MAST2: variants seen among roughly 807,000 people sequenced by gnomAD.
The protein encoded by MAST2 is microtubule-associated serine/threonine-protein kinase 2.
A neutral mutation model predicts 147.4 loss-of-function variants in MAST2; 70 were observed. The ratio of observed to expected loss-of-function variants is 0.47; its 90% CI spans 0.39 to 0.58. MAST2 has a LOEUF of 0.58. Among genes scored for constraint, MAST2 ranks in the 20% least tolerant of loss-of-function variants. MAST2 has a pLI of 0.00. For synonymous variants in MAST2, 869 were observed against 896.8 expected (o/e 0.97, Z 0.55); for missense variants, 2,080 against 2,302.3 (o/e 0.90, Z 1.98).
chr1:46,022,878 C>A lies in MAST2; in HGVS notation c.1424-32C>A, dbSNP rs114709171. The stretch of plus-strand genomic sequence containing the variant: ...ACTGCTGAGATACCTGACATTGCCA[C>A]GCACATTCTTCTCTTGTATCTTTGT... On this transcript the variant is annotated intron_variant, in intron 12 of 28. Coordinates refer to ENST00000361297, the MANE Select transcript of MAST2 (RefSeq NM_015112.3). The A allele has an allele frequency of 1.9e-6, 3 of 1,567,656 alleles. No individual in the cohort carries two copies. In the African/African-American group the frequency reaches 4.1e-5, roughly 21 times the overall value.
intron 5 of MAST2, among the ~76,000 whole-genome samples, chr1:45,977,106 A>G (rs1644191882): frequency 6.6e-6 from 1 of 152,242 alleles, no homozygotes; most frequent in Admixed American, 6.5e-5. Flanking sequence ...TAGAAGGTGT[A>G]CAGAAGAAAA....
intron 4 of MAST2, among the ~76,000 whole-genome samples, chr1:45,925,760 T>C (rs1654263579): frequency 6.6e-6 from 1 of 152,250 alleles, no homozygotes; most frequent in Admixed American, 6.5e-5. Context: ...TCCTACTGCA[T>C]AGGAATTTCT....
intron 5 of MAST2, among the ~76,000 whole-genome samples, chr1:45,970,667 CAAAAAAAA>C (rs754544108): frequency 6.9e-5 from 5 of 72,432 alleles, no homozygotes; most frequent in African/African-American, 2.3e-4. Context: ...GACTCTGTCT[CAAAAAAAA>C]AAAAAAAAAA....
At chr1:45,859,409 G>A (rs1570407342) in intron 3 of MAST2, among the ~76,000 whole-genome samples, 1 of 152,158 alleles carries the variant, frequency 6.6e-6, no homozygotes, top group Admixed American at 6.6e-5. Context: ...CCTTGAGCTG[G>A]GTTTTGAAGA....
Position 45,893,978 on chromosome 1 carries a change from G to A in MAST2, c.500+11583G>A, listed in dbSNP as rs541288118. On this transcript the variant is annotated intron_variant, in intron 4 of 28. Transcript: ENST00000361297. ...TACACTGACCCCAGCACTTTGTGAGGCCAAGGTGGGAGGATTGCTTGAGCT... is the reference window on the plus strand; with the variant it reads ...TACACTGACCCCAGCACTTTGTGAGACCAAGGTGGGAGGATTGCTTGAGCT... Among the ~76,000 whole-genome samples the A allele has an allele frequency of 1.2e-4, 18 of 152,264 alleles. 1 individual carries two copies. The South Asian group carries it at 3.7e-3, about 32-fold the overall frequency.
chr1:45,929,232 G>A lies in MAST2; in HGVS notation c.501-30154G>A, dbSNP rs148330679. ...CTCATTATCTGTTTTTTTTTACCCT[G>A]AAGTACAGATAATTACCCTTATTCG... On this transcript the variant is annotated intron_variant, in intron 4 of 28. Transcript: ENST00000361297. 5.2e-3 allele frequency among the ~76,000 whole-genome samples: 786 copies of A among 151,936 alleles called. 2 individuals carry two copies. The highest frequency in any genetic ancestry group is 0.014 in the South Asian group (68 of 4,810).
At chr1:45,925,553 C>G (rs1342503666) in intron 4 of MAST2, among the ~76,000 whole-genome samples, 1 of 152,150 alleles carries the variant, frequency 6.6e-6, no homozygotes, top group African/African-American at 2.4e-5. Context: ...GTGTCTCTGG[C>G]TATTCACTGG....
chr1:46,035,549 T>C lies in MAST2; in HGVS notation c.4880T>C (p.Leu1627Pro). ...WKAQHLHTQALTALSPSTSGL... is the reference protein window; with the variant it reads ...WKAQHLHTQAPTALSPSTSGL... The stretch of plus-strand genomic sequence containing the variant: ...GCCCAGCACCTCCACACCCAGGCAC[T>C]AACAGCACTTTCTCCCAGCACTTCG... The change falls in exon 29 of 29, where the codon CTA becomes CCA. Residue 1627 changes from leucine (L) to proline (P), a missense_variant. By Grantham distance (98) the Leu-to-Pro change is moderately conservative. This residue lies in a region of MAST2 where 1,278 missense variants were observed against 1,304.2 expected (regional missense o/e 0.98). Transcript: ENST00000361297. This position sits in a 1 kb window ranked among gnomAD's most constrained non-coding sequence, Gnocchi z 5.5. 1 of 1,613,458 alleles carries C rather than the reference T, an allele frequency of 6.2e-7. No individual in the cohort carries two copies. Among genetic ancestry groups the C allele is most frequent in the Non-Finnish European group, 8.5e-7 (1 of 1,179,990 alleles).
intron 19 of MAST2, 48 bp from the exon 20 acceptor site, chr1:46,029,783 T>C (rs2149328349): frequency 6.2e-7 from 1 of 1,606,530 alleles, no homozygotes; most frequent in East Asian, 2.2e-5. Flanking sequence ...TGACCTAGAC[T>C]CCATGCTGCT....
At chr1:45,926,071 TA>T (rs992215941) in intron 4 of MAST2, among the ~76,000 whole-genome samples, 32 of 152,356 alleles carry the variant, frequency 2.1e-4, no homozygotes, top group African/African-American at 7.2e-4. Context: ...TGTCTTTTTT[TA>T]AACAACTGCT....
chr1:46,029,800 A>G, intron 19 of MAST2, 31 bp from the exon 20 acceptor site: 1 of 1,611,898 alleles, frequency 6.2e-7, no homozygotes, highest in Non-Finnish European at 8.5e-7. Context: ...TGCTCATCCT[A>G]CCCCCTTGCC....
intron 4 of MAST2, among the ~76,000 whole-genome samples, chr1:45,885,938 T>TG: frequency 6.6e-6 from 1 of 152,004 alleles, no homozygotes; most frequent in Non-Finnish European, 1.5e-5. Context: ...TGTGTTTCTG[T>TG]GGGGGTGAGG....
At position 46,034,833 on chromosome 1, in the gene MAST2, C is replaced by T; in HGVS notation, c.4164C>T (p.Leu1388=). Residue 1388 remains leucine, a synonymous_variant, in exon 29 of 29, where the codon CTC becomes CTT. Transcript: ENST00000361297. ...LHLSPPLGRQ[L]SRPKSAEPPR... is the part of the protein sequence containing the mutation. The stretch of plus-strand genomic sequence containing the variant: ...TGTCACCTCCCCTGGGCAGGCAACT[C>T]TCACGGCCCAAGAGTGCGGAGCCAC... 6.2e-7 allele frequency: 1 copy of T among 1,614,246 alleles called. No individual in the cohort carries two copies. Among genetic ancestry groups the T allele is most frequent in the Non-Finnish European group, 8.5e-7 (1 of 1,180,056 alleles).
intron 16 of MAST2, among the ~76,000 whole-genome samples, chr1:46,026,342 A>G (rs1437109283): frequency 6.6e-6 from 1 of 152,200 alleles, no homozygotes; most frequent in East Asian, 1.9e-4. Flanking sequence ...CTTGTTCAGG[A>G]ACTACAAATA....
intron 4 of MAST2, among the ~76,000 whole-genome samples, chr1:45,918,309 C>CA (rs972541236): frequency 6.6e-6 from 1 of 152,130 alleles, no homozygotes; most frequent in African/African-American, 2.4e-5. Flanking sequence ...CATGAAGTGC[C>CA]AGGGGCCTGA....
chr1:45,842,573 G>T (rs1488005341), intron 3 of MAST2, among the ~76,000 whole-genome samples: 1 of 151,986 alleles, frequency 6.6e-6, no homozygotes, highest in Non-Finnish European at 1.5e-5. Context: ...TCTGTATCTG[G>T]TTTATTTCAT....
At chr1:45,995,514 A>G (rs1441807812) in intron 5 of MAST2, among the ~76,000 whole-genome samples, 1 of 152,196 alleles carries the variant, frequency 6.6e-6, no homozygotes, top group African/African-American at 2.4e-5. Context: ...CAACTTACAT[A>G]CAAGGCACTC....
chr1:45,913,550 T>G (rs1651995360), intron 4 of MAST2: 1 of 980,398 alleles, frequency 1.0e-6, no homozygotes, highest in Non-Finnish European at 1.2e-6. Context: ...TGTTGCTGGC[T>G]GAGTGTGAAT....
At chr1:46,027,932 C>T in intron 17 of MAST2, 69 bp downstream of exon 17, 1 of 1,578,346 alleles carries the variant, frequency 6.3e-7, no homozygotes, top group South Asian at 1.2e-5. Flanking sequence ...TGTCTTACGC[C>T]CGTAATCCCA....
Sources: gnomAD v4.1 joint callset for allele counts (sites outside exome capture counted in the v4.1 genomes callset) on GRCh38, gnomAD v4.1.1 for gene constraint, gnomAD v4.1.1 regional missense constraint, Gnocchi (gnomAD v3.1) non-coding constraint, MANE v1.5 for transcripts, NCBI Gene and HGNC (gene_info 2026-07-23, HGNC 2026-07-21) for gene names.